DZIP3: variants seen among roughly 807,000 people sequenced by gnomAD.
DZIP3 encodes the protein DAZ interacting zinc finger protein 3.
Under a neutral mutation model 162.0 loss-of-function variants are expected in DZIP3, and 118 were observed. The ratio of observed to expected loss-of-function variants is 0.73; its 90% CI spans 0.63 to 0.85. The LOEUF is 0.85. Ranked by LOEUF, DZIP3 falls within the 40% of genes least tolerant of loss-of-function variation. The pLI is 0.00. For missense variants in DZIP3, 1,331 were observed against 1,407.0 expected (o/e 0.95, Z 0.86); for synonymous variants, 438 against 458.6 (o/e 0.96, Z 0.57).
chr3:108,623,561 AGGGAAGGTGTCTCTCCCAGAC>A (rs1223781593), intron 5 of DZIP3, among the ~76,000 whole-genome samples: 2 of 152,178 alleles, frequency 1.3e-5, no homozygotes, highest in Non-Finnish European at 2.9e-5. Context: ...GCTCAAGCAG[AGGGAAGGTGTCTCTCCCAGAC>A]GTGTGAGTTG....
At chr3:108,596,824 A>T (rs1576337067) in intron 1 of DZIP3, among the ~76,000 whole-genome samples, 1 of 152,204 alleles carries the variant, frequency 6.6e-6, no homozygotes, top group East Asian at 1.9e-4. Context: ...TCTAGTGGGG[A>T]CATGAAGCCA....
At chr3:108,632,022 C>T (rs1284271783) in intron 8 of DZIP3, among the ~76,000 whole-genome samples, 4 of 151,844 alleles carry the variant, frequency 2.6e-5, no homozygotes, top group Non-Finnish European at 4.4e-5. Context: ...TCAACTTTGT[C>T]CTCCTACATT....
Position 108,644,526 on chromosome 3 carries a change from A to T in DZIP3, c.1504A>T (p.Ile502Phe). Residue 502 changes from isoleucine (I) to phenylalanine (F), a missense_variant, in exon 14 of 33, where the codon ATC becomes TTC. Ile to Phe is a conservative substitution (Grantham distance 21, BLOSUM62 0). Transcript: ENST00000361582. The part of the protein sequence containing the change: ...PSSDISKSAD[I>F]LRLCKYRDIL... Reference sequence around the variant, plus strand: ...TTCTGACATCTCTAAATCTGCAGACATCCTGAGACTGTGCAAATACAGGGA... The same window carrying T: ...TTCTGACATCTCTAAATCTGCAGACTTCCTGAGACTGTGCAAATACAGGGA... 6.2e-7 allele frequency: 1 copy of T among 1,614,142 alleles called. No individual in the cohort carries two copies. The highest frequency in any genetic ancestry group is 1.6e-4 in the Middle Eastern group (1 of 6,062).
At chr3:108,669,818 G>T in intron 22 of DZIP3, 69 bp downstream of exon 22, 1 of 1,263,646 alleles carries the variant, frequency 7.9e-7, no homozygotes, top group Non-Finnish European at 1.1e-6. Flanking sequence ...CTTTCTGGCT[G>T]GCATATTGAT....
chr3:108,676,780 G>T (rs1944126892), intron 25 of DZIP3, among the ~76,000 whole-genome samples: 1 of 152,028 alleles, frequency 6.6e-6, no homozygotes, highest in African/African-American at 2.4e-5. Flanking sequence ...CAAAAGACCT[G>T]CCCCATGTTT....
chr3:108,620,578 A>G (rs1941279276), intron 5 of DZIP3, among the ~76,000 whole-genome samples: 1 of 152,186 alleles, frequency 6.6e-6, no homozygotes, highest in African/African-American at 2.4e-5. Context: ...GAACTATTCC[A>G]CCACCACAAA....
intron 21 of DZIP3, among the ~76,000 whole-genome samples, chr3:108,668,853 A>G (rs189894376): frequency 6.6e-6 from 1 of 152,094 alleles, no homozygotes; most frequent in Admixed American, 6.6e-5. Flanking sequence ...TATTCCAACC[A>G]AAACTCTTCC....
chr3:108,652,400 TATGA>T (rs966456443), intron 18 of DZIP3, among the ~76,000 whole-genome samples: 37 of 151,878 alleles, frequency 2.4e-4, no homozygotes, highest in African/African-American at 8.9e-4. Context: ...ATCTTAGAAA[TATGA>T]ACATCTTCCT....
intron 5 of DZIP3, among the ~76,000 whole-genome samples, chr3:108,621,327 G>A (rs2107550084): frequency 6.6e-6 from 1 of 152,166 alleles, no homozygotes; most frequent in Middle Eastern, 3.4e-3. Context: ...GTATATAGGT[G>A]TACATTTTAT....
chr3:108,601,045 A>C (rs1939986047), intron 1 of DZIP3, among the ~76,000 whole-genome samples: 1 of 152,142 alleles, frequency 6.6e-6, no homozygotes, highest in Non-Finnish European at 1.5e-5. Flanking sequence ...TGTAGACGTA[A>C]GTTTGTTTGT....
chr3:108,677,573 C>T lies in DZIP3; in HGVS notation c.2858C>T (p.Pro953Leu), dbSNP rs151205891. Residue 953 changes from proline to leucine, a missense_variant, in exon 26 of 33, where the codon CCT becomes CTT. Physicochemically the swap from Pro to Leu is moderately conservative, Grantham distance 98. This residue lies in a region of DZIP3 where 1,278 missense variants were observed against 1,317.1 expected (regional missense o/e 0.97). Coordinates refer to ENST00000361582, the MANE Select transcript of DZIP3 (RefSeq NM_014648.4). Reference protein sequence around the residue: ...LSTLPPVQLPPPPPSPEILMQ... With the variant: ...LSTLPPVQLPLPPPSPEILMQ... ...ACCTTGCCTCCAGTCCAGCTTCCTC[C>T]TCCACCACCCAGTCCTGAGATACTG... 190 of 1,612,524 alleles carry T rather than the reference C, an allele frequency of 1.2e-4. No individual in the cohort carries two copies. In the East Asian group the frequency reaches 4.0e-3, roughly 34 times the overall value.
intron 19 of DZIP3, among the ~76,000 whole-genome samples, chr3:108,658,375 T>G (rs1289933824): frequency 2.6e-5 from 4 of 152,018 alleles, no homozygotes; most frequent in Non-Finnish European, 4.4e-5. Flanking sequence ...CTGAACAACC[T>G]GCTCCTGAAT....
chr3:108,656,101 C>G (rs1052722199), intron 19 of DZIP3, among the ~76,000 whole-genome samples: 1 of 152,202 alleles, frequency 6.6e-6, no homozygotes. Flanking sequence ...CAGCAGAAAC[C>G]TCTGCAGACT....
chr3:108,657,159 G>A (rs1452143044), intron 19 of DZIP3, among the ~76,000 whole-genome samples: 1 of 152,124 alleles, frequency 6.6e-6, no homozygotes, highest in Non-Finnish European at 1.5e-5. Context: ...TACTACTCGA[G>A]AAGAGCAACT....
In DZIP3 at chr3:108,687,949, CCCTTT is replaced by C; in HGVS notation, c.3150-17_3150-13del. Reference sequence around the variant, plus strand: ...AAGGTACTAAGGAAAATCATTACTGCCCTTTCCTTTCCTTGATCTCTTGCAGAAAG... The same window carrying C: ...AAGGTACTAAGGAAAATCATTACTGCCCTTTCCTTGATCTCTTGCAGAAAG... On this transcript the variant is annotated intron_variant, in intron 28 of 32. Transcript: ENST00000361582. 7 of 1,612,840 alleles carry C rather than the reference CCCTTT, an allele frequency of 4.3e-6. No homozygotes were observed. In the African/African-American group the frequency reaches 5.3e-5, roughly 12 times the overall value.
rs1204823555 is a variant in DZIP3, at chr3:108,599,144, C to T, written c.-72-6191C>T. 4.6e-5 allele frequency among the ~76,000 whole-genome samples: 7 copies of T among 152,208 alleles called. No homozygotes were observed. In the East Asian group the frequency reaches 5.8e-4, roughly 13 times the overall value. On this transcript the variant is annotated intron_variant, in intron 1 of 32. Coordinates refer to ENST00000361582, the MANE Select transcript of DZIP3 (RefSeq NM_014648.4). ...GGGGTGATGAGTATACATTATAAGGCACTTATTTCCTGGTTTAAGCAGATA... is the reference window on the plus strand; with the variant it reads ...GGGGTGATGAGTATACATTATAAGGTACTTATTTCCTGGTTTAAGCAGATA...
intron 3 of DZIP3, among the ~76,000 whole-genome samples, chr3:108,608,545 G>A (rs992111614): frequency 2.6e-5 from 4 of 152,016 alleles, no homozygotes; most frequent in South Asian, 4.1e-4. Context: ...TTACTAAGAC[G>A]TTTGAGTCAT....
intron 1 of DZIP3, among the ~76,000 whole-genome samples, chr3:108,599,906 TGTTTC>T (rs937780039): frequency 6.6e-6 from 1 of 152,188 alleles, no homozygotes; most frequent in African/African-American, 2.4e-5. Context: ...AAATTTCTGT[TGTTTC>T]TATAGTACTT....
intron 12 of DZIP3, among the ~76,000 whole-genome samples, chr3:108,639,674 C>CT (rs772744063): frequency 0.034 from 4,852 of 144,562 alleles, 155 homozygotes; most frequent in African/African-American, 0.08. Flanking sequence ...CAATTTGTGT[C>CT]TTTTTTTTTT....
Sources: gnomAD v4.1 joint callset for allele counts (sites outside exome capture counted in the v4.1 genomes callset) on GRCh38, gnomAD v4.1.1 for gene constraint, gnomAD v4.1.1 regional missense constraint, MANE v1.5 for transcripts, NCBI Gene and HGNC (gene_info 2026-07-23, HGNC 2026-07-21) for gene names.